Variants in COL6A5 observed in about 807,000 individuals in gnomAD.
The protein encoded by COL6A5 is collagen alpha-5(VI) chain.
COL6A5 carries 48 observed loss-of-function variants against 65.6 expected under a neutral mutation model. The ratio of observed to expected loss-of-function variants is 0.73; its 90% CI spans 0.58 to 0.93. The LOEUF is 0.93. COL6A5 is among the 40% of genes least tolerant of loss of function. The pLI, the probability that COL6A5 is intolerant of heterozygous loss-of-function variation, is 0.00. For missense variants in COL6A5, 914 were observed against 928.3 expected (o/e 0.98, Z 0.20); for synonymous variants, 291 against 322.8 (o/e 0.90, Z 1.05).
At chr3:130,476,025 G>T (rs1710083124) in intron 7 of COL6A5, among the ~76,000 whole-genome samples, 1 of 152,020 alleles carries the variant, frequency 6.6e-6, no homozygotes, top group Admixed American at 6.6e-5. Flanking sequence ...AAACAGAGAG[G>T]GTGGGTTGAA....
chr3:130,395,636 A>C (rs919699965), intron 8 of COL6A5, among the ~76,000 whole-genome samples, 171 bp downstream of exon 8: 1 of 152,198 alleles, frequency 6.6e-6, no homozygotes, highest in African/African-American at 2.4e-5. Context: ...GGAAGTTTGG[A>C]TAACTCAGCC....
chr3:130,433,040 C>T (rs1336975927), intron 1 of COL6A5, among the ~76,000 whole-genome samples: 1 of 152,044 alleles, frequency 6.6e-6, no homozygotes, highest in Non-Finnish European at 1.5e-5. Context: ...AAAAAATGTA[C>T]AATTTCTACC....
intron 1 of COL6A5, among the ~76,000 whole-genome samples, chr3:130,362,589 C>T (rs1341794537): frequency 6.6e-6 from 1 of 151,946 alleles, no homozygotes; most frequent in Non-Finnish European, 1.5e-5. Flanking sequence ...TTGTTCTTCT[C>T]CTTTAAAATT....
chr3:130,445,106 C>T (rs562054007), intron 4 of COL6A5, among the ~76,000 whole-genome samples: 54 of 152,326 alleles, frequency 3.5e-4, no homozygotes, highest in African/African-American at 1.3e-3. Context: ...GCTTGCCAAT[C>T]ATTAACAAAT....
intron 1 of COL6A5, among the ~76,000 whole-genome samples, chr3:130,373,276 C>T (rs373568200): frequency 6.6e-6 from 1 of 152,108 alleles, no homozygotes; most frequent in African/African-American, 2.4e-5. Context: ...TACTGTGGAT[C>T]GATCTACCTC....
chr3:130,413,524 A>G (rs1937243150), intron 20 of COL6A5, 21 bp from the exon 21 acceptor site: 16 of 1,546,600 alleles, frequency 1.0e-5, no homozygotes, highest in Non-Finnish European at 1.4e-5. Context: ...ACATACTAAC[A>G]GTTTGCCTTT....
At chr3:130,390,953 G>T (rs560561439) in intron 6 of COL6A5, among the ~76,000 whole-genome samples, 1 of 152,314 alleles carries the variant, frequency 6.6e-6, no homozygotes, top group East Asian at 1.9e-4. Context: ...GAGTGATATA[G>T]ATAGGGTACA....
At chr3:130,393,971 C>T (rs58977573) in intron 7 of COL6A5, among the ~76,000 whole-genome samples, 2,051 of 151,598 alleles carry the variant, frequency 0.014, 47 homozygotes, top group African/African-American at 0.047. Context: ...CAGGTCTATC[C>T]GGGCAGCCCA....
intron 7 of COL6A5, chr3:130,471,879 TA>T: frequency 4.6e-6 from 7 of 1,531,250 alleles, no homozygotes; most frequent in South Asian, 1.2e-5. Flanking sequence ...AAAGCACATT[TA>T]GAAGAAATTT....
intron 19 of COL6A5, 84 bp downstream of exon 19, chr3:130,410,158 A>G: frequency 1.0e-6 from 1 of 985,786 alleles, no homozygotes; most frequent in East Asian, 2.6e-5. Context: ...CCCTTCTGTA[A>G]TTGAACAAAT....
chr3:130,346,100 A>T (rs1934464696), intron 1 of COL6A5, 119 bp downstream of exon 1: 1 of 397,652 alleles, frequency 2.5e-6, no homozygotes, highest in Non-Finnish European at 4.4e-6. Flanking sequence ...GACGCCCCCA[A>T]ATCTGAGCTC....
intron 7 of COL6A5, among the ~76,000 whole-genome samples, chr3:130,472,827 G>GTATATATATATATATATATA (rs1348903661): frequency 7.9e-4 from 14 of 17,716 alleles, no homozygotes; most frequent in Admixed American, 3.0e-3. Context: ...ATATGTGTGT[G>GTATATATATATATATATATA]TATACATATA....
chr3:130,379,675 G>A, exon 4 of COL6A5: 3 of 1,551,440 alleles, frequency 1.9e-6, no homozygotes, highest in South Asian at 2.4e-5. Flanking sequence ...TTCTATCCAA[G>A]TTGGGAAATC....
upstream of COL6A5, chr3:130,429,501 A>G: frequency 7.4e-7 from 1 of 1,348,492 alleles, no homozygotes; most frequent in Non-Finnish European, 1.0e-6. Context: ...CTTTGTTAAA[A>G]TGTTGTTTTT....
chr3:130,350,335 A>C (rs922845684), intron 1 of COL6A5, among the ~76,000 whole-genome samples: 2 of 152,228 alleles, frequency 1.3e-5, no homozygotes, highest in African/African-American at 4.8e-5. Context: ...GAAAGAAATA[A>C]AAGGTATTCA....
At chr3:130,419,078 C>G (rs144901889) in intron 25 of COL6A5, 147 bp downstream of exon 25, 34 of 674,754 alleles carry the variant, frequency 5.0e-5, no homozygotes, top group South Asian at 4.4e-4. Context: ...TCTCCCACCC[C>G]CTAAAGCTCT....
At chr3:130,450,235 C>G (rs1709400876) in intron 4 of COL6A5, among the ~76,000 whole-genome samples, 1 of 152,120 alleles carries the variant, frequency 6.6e-6, no homozygotes, top group South Asian at 2.1e-4. Context: ...ACCAGCCCTG[C>G]TCCCCGTTTC....
intron 23 of COL6A5, 22 bp downstream of exon 23, chr3:130,415,729 G>A (rs1372734244): frequency 6.6e-7 from 1 of 1,523,854 alleles, no homozygotes; most frequent in Middle Eastern, 1.7e-4. Flanking sequence ...GGAGACATTA[G>A]GCTCAATGAC....
intron 1 of COL6A5, among the ~76,000 whole-genome samples, chr3:130,371,539 T>A (rs1935559793): frequency 6.6e-6 from 1 of 152,106 alleles, no homozygotes; most frequent in Non-Finnish European, 1.5e-5. Context: ...GTAAATTTGT[T>A]TTTGATGAGG....
Sources: allele counts gnomAD v4.1 joint callset (sites outside exome capture counted in the v4.1 genomes callset), GRCh38; gene constraint gnomAD v4.1.1; transcripts MANE v1.5; gene names NCBI Gene and HGNC (gene_info 2026-07-23, HGNC 2026-07-21).